Variants in MBP observed in about 807,000 individuals in gnomAD.
The protein encoded by MBP is Golli-MBP.
Under a neutral mutation model 35.8 loss-of-function variants are expected in MBP, and 16 were observed. The observed-to-expected ratio is 0.45, with a 90% confidence interval of 0.30 to 0.68. MBP has a LOEUF of 0.68. Among genes scored for constraint, MBP ranks in the 30% least tolerant of loss-of-function variants. The probability of loss-of-function intolerance (pLI) is 0.08; values close to 1 mark genes in which losing one functional copy is unlikely to be tolerated. For synonymous variants in MBP, 143 were observed against 159.6 expected, an observed-to-expected ratio of 0.90 and a Z score of 0.78; for missense variants, 380 against 404.7, an observed-to-expected ratio of 0.94 and a Z score of 0.52.
At chr18:77,112,253 C>T (rs1362694093) in intron 1 of MBP, among the ~76,000 whole-genome samples, 1 of 152,104 alleles carries the variant, frequency 6.6e-6, no homozygotes, top group African/African-American at 2.4e-5. Context: ...GGGAAGAAGA[C>T]GCGTTTGGTT....
chr18:77,133,055 G>A (rs948265176), upstream of MBP, among the ~76,000 whole-genome samples: 4 of 152,094 alleles, frequency 2.6e-5, no homozygotes, highest in African/African-American at 9.7e-5. Context: ...ACTGCGGCCC[G>A]TCGACCCTTC....
intron 3 of MBP, among the ~76,000 whole-genome samples, chr18:77,059,326 T>C (rs1371943458): frequency 6.6e-6 from 1 of 152,114 alleles, no homozygotes; most frequent in African/African-American, 2.4e-5. Flanking sequence ...GAATTCAAAA[T>C]GGAAAATGGG....
intron 3 of MBP, among the ~76,000 whole-genome samples, chr18:77,041,155 C>G (rs1972974120): frequency 6.6e-6 from 1 of 152,220 alleles, no homozygotes; most frequent in Non-Finnish European, 1.5e-5. Flanking sequence ...GACATTTATG[C>G]AGCCAAGAGA....
intron 3 of MBP, among the ~76,000 whole-genome samples, chr18:77,041,444 T>C (rs1389761335): frequency 2.6e-5 from 4 of 152,106 alleles, no homozygotes; most frequent in Admixed American, 1.3e-4. Context: ...ACCCAAAGGA[T>C]TATAAAACAT....
In MBP at chr18:76,984,654, A is replaced by G. The variant is rs1483912864; in HGVS notation, c.870+121T>C. ...AGCCCCTGCACGCCTGCTGGGACAG[A>G]GCACGTCCAGGGTACAGTGCGGCTG... On this transcript the variant is annotated intron_variant, in intron 8 of 8. Coordinates refer to ENST00000355994, the MANE Select transcript of MBP (RefSeq NM_001025101.2). 4 of 1,377,850 alleles carry G rather than the reference A, an allele frequency of 2.9e-6. No homozygotes were observed. In the East Asian group the frequency reaches 7.0e-5, roughly 24 times the overall value. The allele number at this position is 1,377,850 out of a possible 1,614,324, so 85.4% of individuals were successfully genotyped here.
intron 2 of MBP, among the ~76,000 whole-genome samples, chr18:77,096,901 G>A (rs1442058324): frequency 6.6e-6 from 1 of 152,200 alleles, no homozygotes; most frequent in Non-Finnish European, 1.5e-5. Flanking sequence ...AAATAATAAG[G>A]TTTTCAGACC....
At chr18:77,027,546 C>A (rs983527339) in intron 3 of MBP, among the ~76,000 whole-genome samples, 1 of 149,832 alleles carries the variant, frequency 6.7e-6, no homozygotes, top group African/African-American at 2.4e-5. Context: ...CATTCCAGAC[C>A]CCACAGGCCC....
chr18:77,002,606 G>A lies in MBP; in HGVS notation c.577-12546C>T, dbSNP rs557839124. Among the ~76,000 whole-genome samples the A allele has an allele frequency of 2.6e-5, 4 of 152,348 alleles. No individual in the cohort carries two copies. The East Asian group carries it at 7.7e-4, about 29-fold the overall frequency. ...GATCGTAAACCAAAAATATCATTCA[G>A]CACTGCTCCCACGTCACCACTCATT... On this transcript the variant is annotated intron_variant, in intron 4 of 8. Transcript: ENST00000355994.
Position 76,979,072 on chromosome 18 carries a change from C to T in MBP, c.*1355G>A, listed in dbSNP as rs1464305612. 1 of 152,136 alleles carries T rather than the reference C, an allele frequency of 6.6e-6. No homozygotes were observed. The highest frequency in any genetic ancestry group is 2.1e-4 in the South Asian group (1 of 4,824). 9.4% of individuals were successfully genotyped at this position (152,136 alleles called of 1,614,324 possible). Reference sequence around the variant, plus strand: ...TAATAGACATGGTATTAAGCCCACACGAAACATTCAGAATTAGAATTGGAT... The same window carrying T: ...TAATAGACATGGTATTAAGCCCACATGAAACATTCAGAATTAGAATTGGAT... On this transcript the variant is annotated 3_prime_UTR_variant, in exon 9 of 9. Transcript: ENST00000355994.
intron 2 of MBP, among the ~76,000 whole-genome samples, chr18:77,089,832 T>C (rs1975429455): frequency 6.6e-6 from 1 of 152,186 alleles, no homozygotes; most frequent in South Asian, 2.1e-4. Flanking sequence ...GAGAAGTCAG[T>C]TCAGGCCCTT....
intron 3 of MBP, among the ~76,000 whole-genome samples, chr18:77,039,608 G>C (rs1384470920): frequency 6.6e-6 from 1 of 152,188 alleles, no homozygotes; most frequent in Non-Finnish European, 1.5e-5. Flanking sequence ...GGCATGCAGG[G>C]GAGGGTGAAC....
At chr18:77,016,550 A>G (rs988683332) in intron 4 of MBP, 28 of 1,294,090 alleles carry the variant, frequency 2.2e-5, no homozygotes, top group Non-Finnish European at 2.8e-5. Context: ...GCCCATGTCC[A>G]GGCACCCTTA....
rs2279080 is a variant in MBP at position 76,984,352 on chromosome 18, C to T, written c.870+423G>A. 0.027 allele frequency: 5,374 copies of T among 196,740 alleles called. 458 individuals are homozygous for T. In the East Asian group the frequency reaches 0.28, roughly 10 times the overall value. 12.2% of individuals were successfully genotyped at this position (196,740 alleles called of 1,614,324 possible). On this transcript the variant is annotated intron_variant, in intron 8 of 8. Coordinates refer to ENST00000355994, the MANE Select transcript of MBP (RefSeq NM_001025101.2). ...TCCTCATGAGCCGACGGGACACTCC[C>T]CACTCCCTGGAGGTCTCCTGGGCAT...
At chr18:77,013,306 G>C (rs865787546) in intron 4 of MBP, 2 of 985,228 alleles carry the variant, frequency 2.0e-6, no homozygotes, top group South Asian at 9.4e-5. Context: ...GTGCACACTG[G>C]GCTCTGGGGA....
chr18:77,054,440 A>G (rs961888797), intron 3 of MBP, among the ~76,000 whole-genome samples: 4 of 152,160 alleles, frequency 2.6e-5, no homozygotes, highest in African/African-American at 7.2e-5. Context: ...ATGTGGTTGG[A>G]GAGGCCCCTG....
At chr18:76,995,637 C>T (rs771186576) in intron 4 of MBP, among the ~76,000 whole-genome samples, 3 of 152,112 alleles carry the variant, frequency 2.0e-5, no homozygotes, top group Admixed American at 6.5e-5. Context: ...AAAAAAACAA[C>T]GACCACGAAA....
At chr18:77,121,560 C>T (rs1976885453) in intron 1 of MBP, among the ~76,000 whole-genome samples, 1 of 152,174 alleles carries the variant, frequency 6.6e-6, no homozygotes, top group Non-Finnish European at 1.5e-5. Context: ...AGGTGAGCTT[C>T]TAACATCTTG....
At chr18:77,008,819 A>G (rs470640) in intron 4 of MBP, among the ~76,000 whole-genome samples, 57,755 of 152,090 alleles carry the variant, frequency 0.38, 11,511 homozygotes, top group Middle Eastern at 0.47. Flanking sequence ...ACATGCAGCC[A>G]CACCTGGCGG....
Position 76,980,316 on chromosome 18 carries a change from A to G in MBP, c.*111T>C. The G allele has an allele frequency of 1.0e-6, 1 of 1,004,320 alleles. No homozygotes were observed. The highest frequency in any genetic ancestry group is 1.6e-6 in the Non-Finnish European group (1 of 623,366). 62.2% of individuals were successfully genotyped at this position (1,004,320 alleles called of 1,614,324 possible). A position where few individuals can be genotyped will look rare whatever the true frequency, so the allele number is the denominator to read the frequency against. On this transcript the variant is annotated 3_prime_UTR_variant, in exon 9 of 9. Transcript: ENST00000355994. ...CTACTACGTGCACAACTCCGCAGGC[A>G]TTAGGGGAGGGGTCATCTGCTCTAA... is the stretch of plus-strand genomic sequence containing the variant.
Sources: allele counts gnomAD v4.1 joint callset (sites outside exome capture counted in the v4.1 genomes callset), GRCh38; gene constraint gnomAD v4.1.1; transcripts MANE v1.5; gene names NCBI Gene and HGNC (gene_info 2026-07-23, HGNC 2026-07-21).